Variants in PNKD observed in about 807,000 individuals in gnomAD.
PNKD encodes the protein PNKD metallo-beta-lactamase domain containing, also known as probable thioesterase PNKD.
PNKD carries 36 observed loss-of-function variants against 45.3 expected under a neutral mutation model. The ratio of observed to expected loss-of-function variants is 0.80; its 90% CI spans 0.61 to 1.05. The LOEUF (loss-of-function observed/expected upper bound fraction) is 1.05, where lower values mean the gene tolerates loss of function less well. Among genes scored for constraint, PNKD ranks in the 50% least tolerant of loss-of-function variants. The pLI is 0.00. For synonymous variants in PNKD, 197 were observed against 210.1 expected, an observed-to-expected ratio of 0.94 and a Z score of 0.54; for missense variants, 511 against 506.6, an observed-to-expected ratio of 1.01 and a Z score of -0.08.
rs147478970 is a variant in PNKD at position 218,295,279 on chromosome 2, C to T, written c.236+23730C>T. ...TGTCTGCCAACCAGACAGGAATTTC[C>T]GGTTCTAGAAATGAGAAGGCTGAAA... On this transcript the variant is annotated intron_variant, in intron 2 of 9. Transcript: ENST00000273077. Among the ~76,000 whole-genome samples the T allele has an allele frequency of 3.0e-3, 462 of 152,332 alleles. 3 individuals are homozygous for T. Among genetic ancestry groups the T allele is most frequent in the African/African-American group, 9.7e-3 (403 of 41,564 alleles).
intron 2 of PNKD, among the ~76,000 whole-genome samples, chr2:218,336,573 T>TCA (rs1694497900): frequency 6.6e-6 from 1 of 151,956 alleles, no homozygotes; most frequent in Non-Finnish European, 1.5e-5. Context: ...CTTGACCTCC[T>TCA]GGGTTCAAGT....
At position 218,339,887 on chromosome 2, in the gene PNKD, G is replaced by T. The variant is rs781140528; in HGVS notation, c.341G>T (p.Arg114Leu). 23 of 1,608,062 alleles carry T rather than the reference G, an allele frequency of 1.4e-5. No individual in the cohort carries two copies. The highest frequency in any genetic ancestry group is 1.9e-5 in the Non-Finnish European group (22 of 1,176,132). Reference protein sequence around the residue: ...YPKGHSKTQPRLFNGVKVLPI... With the variant: ...YPKGHSKTQPLLFNGVKVLPI... ...AAAGGCCACTCGAAAACCCAGCCCC[G>T]CCTCTTCAATGGTGAGCTCTGACTG... Residue 114 changes from arginine to leucine, a missense_variant, in exon 3 of 10, where the codon CGC becomes CTC. Physicochemically the swap from Arg to Leu is moderately radical, Grantham distance 102. Transcript: ENST00000273077.
chr2:218,310,928 T>C (rs1007391009), intron 2 of PNKD, among the ~76,000 whole-genome samples: 2 of 152,132 alleles, frequency 1.3e-5, no homozygotes, highest in Non-Finnish European at 2.9e-5. Flanking sequence ...ATACACAATA[T>C]TTGCTATTGT....
rs1694798675 is a variant in PNKD at position 218,345,169 on chromosome 2, G to T, written c.*188G>T. 1.7e-6 allele frequency: 1 copy of T among 604,130 alleles called. No individual in the cohort carries two copies. The highest frequency in any genetic ancestry group is 2.9e-6 in the Non-Finnish European group (1 of 343,632). 37.4% of individuals were successfully genotyped at this position (604,130 alleles called of 1,614,324 possible). A position where few individuals can be genotyped will look rare whatever the true frequency, so the allele number is the denominator to read the frequency against. Reference sequence around the variant, plus strand: ...CTGTGAGGCCAAAAGAAGGGGGCCTGTTGGAGGCTGGGAACCCCGCAGCGC... The same window carrying T: ...CTGTGAGGCCAAAAGAAGGGGGCCTTTTGGAGGCTGGGAACCCCGCAGCGC... On this transcript the variant is annotated 3_prime_UTR_variant, in exon 10 of 10. Coordinates refer to ENST00000273077, the MANE Select transcript of PNKD (RefSeq NM_015488.5).
chr2:218,277,827 G>A, intron 2 of PNKD: 1 of 1,558,408 alleles, frequency 6.4e-7, no homozygotes, highest in Non-Finnish European at 8.8e-7. Flanking sequence ...CCCAGATAAG[G>A]TGGAGGAGAC....
intron 2 of PNKD, among the ~76,000 whole-genome samples, chr2:218,298,395 C>A (rs986040608): frequency 5.3e-5 from 8 of 152,202 alleles, no homozygotes; most frequent in Non-Finnish European, 1.2e-4. Flanking sequence ...TGGTGATAGA[C>A]AGTCCTGGGT....
At chr2:218,298,626 C>T (rs1693201260) in intron 2 of PNKD, among the ~76,000 whole-genome samples, 1 of 152,154 alleles carries the variant, frequency 6.6e-6, no homozygotes, top group Non-Finnish European at 1.5e-5. Flanking sequence ...GTGATGAACA[C>T]AACCTCCTTT....
intron 2 of PNKD, chr2:218,327,295 T>C (rs1054686864): frequency 1.3e-5 from 2 of 152,270 alleles, no homozygotes; most frequent in Non-Finnish European, 2.9e-5. Context: ...AAAGCCGTTA[T>C]CTGGGGCCAA....
At chr2:218,281,463 C>T (rs1691983558) in intron 2 of PNKD, among the ~76,000 whole-genome samples, 1 of 152,212 alleles carries the variant, frequency 6.6e-6, no homozygotes, top group African/African-American at 2.4e-5. Flanking sequence ...CAAACACAAG[C>T]ATGTCCCTGC....
intron 2 of PNKD, among the ~76,000 whole-genome samples, chr2:218,330,125 C>CA (rs992378384): frequency 6.6e-6 from 1 of 152,156 alleles, no homozygotes; most frequent in African/African-American, 2.4e-5. Flanking sequence ...AGGGAGGAGT[C>CA]AAGGCAGGTG....
At chr2:218,276,052 C>G in intron 2 of PNKD, 2 of 1,613,076 alleles carry the variant, frequency 1.2e-6, no homozygotes, top group South Asian at 2.2e-5. Flanking sequence ...GCCCCCAGAG[C>G]AGCATAGAGC....
rs141839821 is a variant in PNKD at position 218,279,336 on chromosome 2, G to A, written c.236+7787G>A. On this transcript the variant is annotated intron_variant, in intron 2 of 9. Transcript: ENST00000273077. ...TGGCCACAGTGATGAGCAGCTGCACGGAGATGATGGAGTAAACCTGGACAC... is the reference window on the plus strand; with the variant it reads ...TGGCCACAGTGATGAGCAGCTGCACAGAGATGATGGAGTAAACCTGGACAC... The A allele has an allele frequency of 1.2e-5, 19 of 1,585,280 alleles. No homozygotes were observed. In the East Asian group the frequency reaches 1.3e-4, roughly 11 times the overall value.
intron 2 of PNKD, among the ~76,000 whole-genome samples, chr2:218,328,659 T>A (rs551926448): frequency 6.6e-6 from 1 of 152,228 alleles, no homozygotes; most frequent in Non-Finnish European, 1.5e-5. Flanking sequence ...TGTGATGATG[T>A]CAGCACGGTA....
At chr2:218,276,104 G>A (rs1406840906) in intron 2 of PNKD, 11 of 1,610,192 alleles carry the variant, frequency 6.8e-6, no homozygotes, top group Non-Finnish European at 8.5e-6. Context: ...GACAGAGAAT[G>A]GCATTAGAAA....
At chr2:218,277,375 A>G in intron 2 of PNKD, 1 of 1,614,144 alleles carries the variant, frequency 6.2e-7, no homozygotes. Flanking sequence ...CCTTGGTCTG[A>G]AAGCAGAAGA....
chr2:218,343,850 T>C (rs1347038125), intron 8 of PNKD, among the ~76,000 whole-genome samples: 1 of 152,250 alleles, frequency 6.6e-6, no homozygotes, highest in Non-Finnish European at 1.5e-5. Flanking sequence ...CCCCAGGGCA[T>C]TCCAGAGAGA....
At chr2:218,289,162 T>C (rs909200770) in intron 2 of PNKD, among the ~76,000 whole-genome samples, 1 of 152,194 alleles carries the variant, frequency 6.6e-6, no homozygotes, top group Non-Finnish European at 1.5e-5. Context: ...AAACGATAGA[T>C]AGAAAGGAGC....
chr2:218,336,691 G>C (rs1162263091), intron 2 of PNKD, among the ~76,000 whole-genome samples: 2 of 151,384 alleles, frequency 1.3e-5, no homozygotes, highest in East Asian at 3.9e-4. Context: ...ATGTTGCCCA[G>C]TCTGGTCTCA....
intron 3 of PNKD, 29 bp from the exon 4 acceptor site, chr2:218,340,000 C>T: frequency 6.6e-7 from 1 of 1,525,372 alleles, no homozygotes; most frequent in Non-Finnish European, 9.1e-7. Flanking sequence ...CTGCCTGTTA[C>T]CCCGCCCACA....
Sources: allele counts gnomAD v4.1 joint callset (sites outside exome capture counted in the v4.1 genomes callset), GRCh38; gene constraint gnomAD v4.1.1; transcripts MANE v1.5; gene names NCBI Gene and HGNC (gene_info 2026-07-23, HGNC 2026-07-21).